The following STARD9 variants were observed in gnomAD, a reference collection of about 807,000 sequenced individuals.
The protein encoded by STARD9 is StAR related lipid transfer domain containing 9.
STARD9 carries 346 observed loss-of-function variants against 399.8 expected under a neutral mutation model. The observed-to-expected ratio is 0.87, with a 90% CI of 0.79 to 0.95. STARD9 has a LOEUF of 0.95. STARD9 is among the 40% of genes least tolerant of loss of function. The pLI is 0.00. For missense variants in STARD9, 5,832 were observed against 5,667.5 expected, an observed-to-expected ratio of 1.03 and a Z score of -0.93; for synonymous variants, 2,203 against 2,143.5, an observed-to-expected ratio of 1.03 and a Z score of -0.77.
chr15:42,620,834 A>G (rs910985693), intron 3 of STARD9, among the ~76,000 whole-genome samples: 2 of 151,930 alleles, frequency 1.3e-5, no homozygotes, highest in Admixed American at 6.6e-5. Flanking sequence ...GGCTCACTGC[A>G]ACCTCCACCT....
At chr15:42,585,446 G>A (rs759120581) in intron 2 of STARD9, 75 bp from the exon 3 acceptor site, 12 of 898,822 alleles carry the variant, frequency 1.3e-5, no homozygotes, top group Non-Finnish European at 1.9e-5. Flanking sequence ...AGCTATGGTA[G>A]AGGGTGATCA....
At position 42,586,744 on chromosome 15, in the gene STARD9, T is replaced by G. The variant is rs544133542; in HGVS notation, c.234+1107T>G. Among the ~76,000 whole-genome samples the G allele has an allele frequency of 6.6e-5, 10 of 152,304 alleles. No individual in the cohort carries two copies. In the East Asian group the frequency reaches 7.7e-4, roughly 12 times the overall value. On this transcript the variant is annotated intron_variant, in intron 3 of 32. Coordinates refer to ENST00000290607, the MANE Select transcript of STARD9 (RefSeq NM_020759.3). ...ATACTACTGGAAATAGAAATATTTT[T>G]GGGGAAACCTGGACAGTCATTGCCT...
intron 26 of STARD9, among the ~76,000 whole-genome samples, chr15:42,710,863 A>C (rs2061200172): frequency 6.6e-6 from 1 of 151,548 alleles, no homozygotes. Flanking sequence ...CTCTGTCTTC[A>C]CATGACATTC....
intron 26 of STARD9, among the ~76,000 whole-genome samples, chr15:42,699,487 G>A (rs539637972): frequency 3.5e-5 from 5 of 144,064 alleles, no homozygotes; most frequent in Middle Eastern, 3.6e-3. Context: ...TCCGCCTCCC[G>A]GGTTCACGCC....
At chr15:42,632,941 A>G (rs190020299) in intron 3 of STARD9, among the ~76,000 whole-genome samples, 1 of 152,322 alleles carries the variant, frequency 6.6e-6, no homozygotes, top group East Asian at 1.9e-4. Flanking sequence ...CCAGGAGTTC[A>G]GTACCAGTCT....
intron 1 of STARD9, among the ~76,000 whole-genome samples, chr15:42,576,987 A>G (rs896221516): frequency 6.6e-6 from 1 of 152,080 alleles, no homozygotes; most frequent in Non-Finnish European, 1.5e-5. Context: ...TGGATGTGGT[A>G]GCTCAGGGCT....
chr15:42,695,855 GC>G lies in STARD9; in HGVS notation c.13261del (p.Gln4421SerfsTer21). On this transcript the variant is annotated frameshift_variant, in exon 26 of 33. Coordinates refer to ENST00000290607, the MANE Select transcript of STARD9 (RefSeq NM_020759.3). LOFTEE classifies it high-confidence loss of function. ...TATAATAGCAGCCCAGCCTTGTCAG[GC>G]CAGCTCCAGTTCCCAGAGAATATGG... ...SGYNSSPALSGQLQFPENMGH... is the reference protein window; with the variant it reads ...SGYNSSPALSXQLQFPENMGH... 5.2e-6 allele frequency: 8 copies of G among 1,537,178 alleles called. No homozygotes were observed. Among genetic ancestry groups the G allele is most frequent in the Non-Finnish European group, 7.0e-6 (8 of 1,146,858 alleles).
Position 42,688,513 on chromosome 15 carries a change from C to A in STARD9, c.6935C>A (p.Thr2312Asn). ...AGGGACACGTTTTTCAGGCAGGAAA[C>A]TGTCAGCCCATTACTAAGCCGGACA... The part of the protein sequence containing the change: ...LCRDTFFRQE[T>N]VSPLLSRTEF... Residue 2312 changes from threonine to asparagine, a missense_variant, in exon 23 of 33, where the codon ACT (threonine) becomes AAT (asparagine). Around this residue, in one of 2 missense-constraint regions of STARD9, gnomAD observed 5,828 missense variants for 5,651.1 expected, o/e 1.03. Transcript: ENST00000290607. 6.5e-7 allele frequency: 1 copy of A among 1,537,926 alleles called. No individual in the cohort carries two copies. The highest frequency in any genetic ancestry group is 1.2e-5 in the South Asian group (1 of 84,060).
intron 13 of STARD9, among the ~76,000 whole-genome samples, chr15:42,664,398 C>G (rs2060049291): frequency 6.6e-6 from 1 of 152,158 alleles, no homozygotes; most frequent in Non-Finnish European, 1.5e-5. Flanking sequence ...GGGTCTTGCT[C>G]TGTTGCCCAG....
intron 2 of STARD9, among the ~76,000 whole-genome samples, chr15:42,584,219 T>G (rs765294767): frequency 2.8e-4 from 43 of 152,256 alleles, no homozygotes; most frequent in Admixed American, 5.9e-4. Context: ...ACCCCAGTCT[T>G]CACAGTCATG....
chr15:42,681,526 T>C lies in STARD9; in HGVS notation c.1979T>C (p.Leu660Ser). The change falls in exon 21 of 33, where the codon TTG (leucine) becomes TCG (serine). Residue 660 changes from leucine to serine, a missense_variant. Leu to Ser is a moderately radical substitution (Grantham distance 145). This residue lies in a region of STARD9 where 5,828 missense variants were observed against 5,651.1 expected (regional missense o/e 1.03). Coordinates refer to ENST00000290607, the MANE Select transcript of STARD9 (RefSeq NM_020759.3). The part of the protein sequence containing the change: ...IQQQQSYVED[L>S]RHQILAEEIR... ...CAGCAGCAGAGCTACGTAGAGGATT[T>C]GAGGCATCAAATCCTAGCAGAAGAG... is the stretch of plus-strand genomic sequence containing the variant. The C allele has an allele frequency of 6.5e-7, 1 of 1,537,124 alleles. No homozygotes were observed. The highest frequency in any genetic ancestry group is 8.7e-7 in the Non-Finnish European group (1 of 1,146,866).
In STARD9 at chr15:42,694,106, G is replaced by C; in HGVS notation, c.12528G>C (p.Gln4176His). The C allele has an allele frequency of 6.5e-7, 1 of 1,537,080 alleles. No individual in the cohort carries two copies. The highest frequency in any genetic ancestry group is 8.7e-7 in the Non-Finnish European group (1 of 1,146,872). ...SGDLSSEKQE[Q>H]SPPQPPNDHS... ...ATCTCAGCTCTGAAAAGCAGGAACA[G>C]AGTCCCCCACAACCTCCTAATGACC... The change falls in exon 23 of 33, where the codon CAG (glutamine) becomes CAC (histidine). Residue 4176 changes from glutamine to histidine, a missense_variant. By Grantham distance (24) the Gln-to-His change is conservative. Around this residue, in one of 2 missense-constraint regions of STARD9, gnomAD observed 5,828 missense variants for 5,651.1 expected, o/e 1.03. Transcript: ENST00000290607.
At chr15:42,617,555 TC>T (rs2058994183) in intron 3 of STARD9, among the ~76,000 whole-genome samples, 1 of 152,098 alleles carries the variant, frequency 6.6e-6, no homozygotes, top group East Asian at 1.9e-4. Context: ...TGAAAGCGAC[TC>T]CTGTGTACAT....
chr15:42,718,990 T>C, intron 32 of STARD9, 80 bp downstream of exon 32: 4 of 1,341,922 alleles, frequency 3.0e-6, no homozygotes, highest in Non-Finnish European at 4.1e-6. Flanking sequence ...TGTCTCGCTT[T>C]TGAACACCCT....
At position 42,687,959 on chromosome 15, in the gene STARD9, T is replaced by G; in HGVS notation, c.6381T>G (p.Asp2127Glu). The G allele has an allele frequency of 6.5e-7, 1 of 1,537,358 alleles. No homozygotes were observed. Among genetic ancestry groups the G allele is most frequent in the Non-Finnish European group, 8.7e-7 (1 of 1,146,942 alleles). The part of the protein sequence containing the change: ...PRQTDDTVFR[D>E]SEAGAMEVNS... The stretch of plus-strand genomic sequence containing the variant: ...AGACAGATGATACTGTCTTTAGGGA[T>G]AGTGAAGCTGGAGCGATGGAGGTTA... Residue 2127 changes from aspartate (D) to glutamate (E), a missense_variant, in exon 23 of 33, where the codon GAT becomes GAG. Physicochemically the swap from Asp to Glu is conservative, Grantham distance 45. Around this residue, in one of 2 missense-constraint regions of STARD9, gnomAD observed 5,828 missense variants for 5,651.1 expected, o/e 1.03. Transcript: ENST00000290607.
In STARD9 at chr15:42,658,483, C is replaced by CTT. The variant is rs533409304; in HGVS notation, c.703-2662_703-2661dup. Reference sequence around the variant, plus strand: ...GACCCACCATGCCTGGCCTTTTGCACTTTTTTTTTTTTTTAATGAGACTGA... The same window carrying CTT: ...GACCCACCATGCCTGGCCTTTTGCACTTTTTTTTTTTTTTTTAATGAGACTGA... On this transcript the variant is annotated intron_variant, in intron 9 of 32. Transcript: ENST00000290607. Among the ~76,000 whole-genome samples the CTT allele has an allele frequency of 1.3e-3, 181 of 135,186 alleles. 1 individual carries two copies. The highest frequency in any genetic ancestry group is 8.7e-3 in the Admixed American group (116 of 13,298). 88.7% of individuals were successfully genotyped at this position (135,186 alleles called of 152,430 possible).
chr15:42,702,780 T>C (rs1005611549), intron 26 of STARD9, among the ~76,000 whole-genome samples: 4 of 152,222 alleles, frequency 2.6e-5, no homozygotes, highest in African/African-American at 9.7e-5. Context: ...CTCTTCTTCA[T>C]GTCTGAAGGA....
At chr15:42,671,160 T>C (rs902792300) in intron 16 of STARD9, 2 of 112,232 alleles carry the variant, frequency 1.8e-5, no homozygotes, top group African/African-American at 4.0e-5. Context: ...TGAGACGGAG[T>C]CTTGCTGTGT....
intron 3 of STARD9, among the ~76,000 whole-genome samples, chr15:42,627,589 C>G (rs1001761276): frequency 6.6e-6 from 1 of 152,202 alleles, no homozygotes. Flanking sequence ...CCCCCTTTCC[C>G]TCTACCGCCA....
Sources: allele counts gnomAD v4.1 joint callset (sites outside exome capture counted in the v4.1 genomes callset), GRCh38; gene constraint gnomAD v4.1.1; regional missense constraint gnomAD v4.1.1; transcripts MANE v1.5; gene names NCBI Gene and HGNC (gene_info 2026-07-23, HGNC 2026-07-21).